CNTN4: variants seen among roughly 807,000 people sequenced by gnomAD.
CNTN4 encodes contactin-4.
CNTN4 carries 77 observed loss-of-function variants against 122.5 expected under a neutral mutation model. The ratio of observed to expected loss-of-function variants is 0.63; its 90% CI spans 0.52 to 0.76. CNTN4 has a LOEUF of 0.76. Ranked by LOEUF, CNTN4 falls within the 30% of genes least tolerant of loss-of-function variation. The pLI is 0.00. For missense variants in CNTN4, 1,256 were observed against 1,259.1 expected (o/e 1.00, Z 0.04); for synonymous variants, 512 against 447.0 (o/e 1.15, Z -1.83).
chr3:2,632,089 T>C (rs1446684097), intron 4 of CNTN4, among the ~76,000 whole-genome samples: 2 of 137,732 alleles, frequency 1.5e-5, no homozygotes, highest in East Asian at 2.3e-4. Flanking sequence ...CACACACGTG[T>C]GTGTATGTAT....
At chr3:2,168,068 G>A (rs927796931) in intron 2 of CNTN4, among the ~76,000 whole-genome samples, 1 of 152,084 alleles carries the variant, frequency 6.6e-6, no homozygotes. Context: ...AGGAGTTAAA[G>A]GTTATAGTAA....
chr3:2,626,337 CG>C (rs1001307861), intron 4 of CNTN4, among the ~76,000 whole-genome samples: 29 of 151,104 alleles, frequency 1.9e-4, no homozygotes, highest in African/African-American at 7.1e-4. Context: ...ACTAAAAATA[CG>C]AAAAAAAAAT....
intron 3 of CNTN4, among the ~76,000 whole-genome samples, chr3:2,354,988 G>A (rs1278045863): frequency 6.6e-6 from 1 of 152,218 alleles, no homozygotes; most frequent in Non-Finnish European, 1.5e-5. Flanking sequence ...GAATAAGTGA[G>A]TCATAGCCTC....
intron 4 of CNTN4, among the ~76,000 whole-genome samples, chr3:2,595,089 A>G (rs951227695): frequency 1.3e-5 from 2 of 152,202 alleles, no homozygotes; most frequent in Non-Finnish European, 2.9e-5. Context: ...ATTAGTGGGA[A>G]CAGTACATCC....
intron 3 of CNTN4, among the ~76,000 whole-genome samples, chr3:2,360,296 TA>T (rs917185965): frequency 8.6e-5 from 13 of 151,434 alleles, no homozygotes; most frequent in Middle Eastern, 3.4e-3. Flanking sequence ...TTTTTAGCAG[TA>T]AAAAAAAATA....
chr3:2,516,919 GC>G, intron 3 of CNTN4, among the ~76,000 whole-genome samples: 1 of 151,972 alleles, frequency 6.6e-6, no homozygotes, highest in East Asian at 1.9e-4. Flanking sequence ...TGCCCTGCAA[GC>G]AAGCAATAAC....
chr3:2,157,433 G>T (rs1211883171), intron 2 of CNTN4, among the ~76,000 whole-genome samples: 1 of 152,136 alleles, frequency 6.6e-6, no homozygotes, highest in Non-Finnish European at 1.5e-5. Context: ...AGAACAATCT[G>T]AGGAAAAGAT....
At chr3:2,216,045 C>G (rs547276476) in intron 2 of CNTN4, among the ~76,000 whole-genome samples, 61 of 152,098 alleles carry the variant, frequency 4.0e-4, no homozygotes, top group South Asian at 2.9e-3. Flanking sequence ...AGTATATGCC[C>G]AAGGAATATA....
rs1386879727 is a variant in CNTN4, at chr3:2,591,593, T to C, written c.55+20035T>C. Among the ~76,000 whole-genome samples the C allele has an allele frequency of 7.1e-4, 37 of 52,154 alleles. 6 individuals are homozygous for C. The highest frequency in any genetic ancestry group is 5.2e-3 in the Admixed American group (35 of 6,698). The allele number at this position is 52,154 out of a possible 152,430, so 34.2% of individuals were successfully genotyped here. On this transcript the variant is annotated intron_variant, in intron 4 of 24. Transcript: ENST00000418658. ...TTTAGCCAGGATGGTCTCGATCTCC[T>C]GACCTCGTGATCCGCCCGCCTCGGC...
At position 2,614,242 on chromosome 3, in the gene CNTN4, A is replaced by T. The variant is rs111407238; in HGVS notation, c.55+42684A>T. Among the ~76,000 whole-genome samples, 175 of 152,312 alleles carry T rather than the reference A, an allele frequency of 1.1e-3. 1 individual carries two copies. The highest frequency in any genetic ancestry group is 4.2e-3 in the African/African-American group (173 of 41,576). On this transcript the variant is annotated intron_variant, in intron 4 of 24. Transcript: ENST00000418658. The stretch of plus-strand genomic sequence containing the variant: ...TAAGCATTGGAAATAGCTGGTGCAA[A>T]GACCCTCAGGTGGGAATAAGCTTGA...
At chr3:2,532,969 T>C (rs2077654429) in intron 3 of CNTN4, among the ~76,000 whole-genome samples, 1 of 152,056 alleles carries the variant, frequency 6.6e-6, no homozygotes, top group African/African-American at 2.4e-5. Context: ...GCATAAGAAA[T>C]GAGAACCATC....
intron 3 of CNTN4, among the ~76,000 whole-genome samples, chr3:2,390,010 G>A (rs67607715): frequency 0.16 from 24,767 of 152,108 alleles, 2,481 homozygotes; most frequent in Middle Eastern, 0.26. Context: ...ATTTGCTTTG[G>A]TTTTAAAGGA....
At chr3:2,538,075 A>G in intron 3 of CNTN4, among the ~76,000 whole-genome samples, 1 of 152,110 alleles carries the variant, frequency 6.6e-6, no homozygotes, top group East Asian at 1.9e-4. Context: ...ATATAGAAGT[A>G]TGGTGGATCC....
At chr3:2,807,958 C>T (rs777832091) in intron 6 of CNTN4, among the ~76,000 whole-genome samples, 1 of 152,170 alleles carries the variant, frequency 6.6e-6, no homozygotes, top group Non-Finnish European at 1.5e-5. Flanking sequence ...GAACATCGAT[C>T]TAGTTTCATT....
At chr3:2,977,662 C>T (rs1011916760) in intron 13 of CNTN4, among the ~76,000 whole-genome samples, 2 of 152,190 alleles carry the variant, frequency 1.3e-5, no homozygotes, top group African/African-American at 4.8e-5. Context: ...GTATCACTTC[C>T]TCTGCCCCTC....
At chr3:2,576,590 C>T (rs1410242175) in intron 4 of CNTN4, among the ~76,000 whole-genome samples, 1 of 148,046 alleles carries the variant, frequency 6.8e-6, no homozygotes, top group Non-Finnish European at 1.5e-5. Context: ...CTCTGTCTTC[C>T]AGGCTGAAGT....
At chr3:2,662,225 C>G (rs1223752802) in intron 4 of CNTN4, among the ~76,000 whole-genome samples, 5 of 152,284 alleles carry the variant, frequency 3.3e-5, no homozygotes, top group Middle Eastern at 3.4e-3. Context: ...TTTCCCATCA[C>G]CTTGCTGTTG....
intron 4 of CNTN4, among the ~76,000 whole-genome samples, chr3:2,724,992 T>G (rs1003316501): frequency 6.6e-6 from 1 of 152,152 alleles, no homozygotes; most frequent in Non-Finnish European, 1.5e-5. Flanking sequence ...ATAGTACTCT[T>G]AATACATGAC....
At chr3:2,384,668 C>G (rs754651978) in intron 3 of CNTN4, among the ~76,000 whole-genome samples, 5 of 152,102 alleles carry the variant, frequency 3.3e-5, no homozygotes, top group Non-Finnish European at 5.9e-5. Flanking sequence ...GAATAGGACT[C>G]TCACATCTCC....
Sources: allele counts gnomAD v4.1 joint callset (sites outside exome capture counted in the v4.1 genomes callset), GRCh38; gene constraint gnomAD v4.1.1; transcripts MANE v1.5; gene names NCBI Gene and HGNC (gene_info 2026-07-23, HGNC 2026-07-21).